Variants in MAF observed in about 807,000 individuals in gnomAD.
MAF encodes the protein MAF bZIP transcription factor, also known as transcription factor Maf.
MAF carries 10 observed loss-of-function variants against 22.0 expected under a neutral mutation model. The observed-to-expected ratio is 0.45, with a 90% CI of 0.28 to 0.77. MAF has a LOEUF of 0.77. MAF is among the 30% of genes least tolerant of loss of function. The pLI is 0.12. For missense variants in MAF, 544 were observed against 548.4 expected (o/e 0.99, Z 0.08); for synonymous variants, 337 against 255.8 (o/e 1.32, Z -3.03).
At chr16:79,275,148 G>T in the MAF span, among the ~76,000 whole-genome samples, 7 of 152,290 alleles carry the variant, frequency 4.6e-5, no homozygotes, top group African/African-American at 1.7e-4. Context: ...TTGAGATCAG[G>T]AGTCTGAGAC....
the MAF span, among the ~76,000 whole-genome samples, chr16:79,233,671 T>A: frequency 7.2e-5 from 11 of 152,054 alleles, no homozygotes; most frequent in South Asian, 2.3e-3. Flanking sequence ...TATTGACATT[T>A]GAAAAATGGT....
the MAF span, among the ~76,000 whole-genome samples, chr16:79,434,137 G>A: frequency 6.6e-6 from 1 of 152,192 alleles, no homozygotes; most frequent in Admixed American, 6.5e-5. Context: ...CCATGCAACT[G>A]CACACTGGGC....
At chr16:79,413,343 C>A in the MAF span, among the ~76,000 whole-genome samples, 2 of 144,248 alleles carry the variant, frequency 1.4e-5, no homozygotes, top group Non-Finnish European at 3.0e-5. Flanking sequence ...CCCGGGTTCA[C>A]GCCATTCTCC....
the MAF span, among the ~76,000 whole-genome samples, chr16:79,544,941 T>C: frequency 6.6e-6 from 1 of 152,130 alleles, no homozygotes; most frequent in Non-Finnish European, 1.5e-5. Context: ...GACTTTCATG[T>C]TTGGCCATTG....
chr16:79,294,996 T>C, the MAF span, among the ~76,000 whole-genome samples: 62 of 152,042 alleles, frequency 4.1e-4, no homozygotes, highest in East Asian at 6.8e-3. Flanking sequence ...AACAGTCTAC[T>C]TCCCCCTAGA....
the MAF span, among the ~76,000 whole-genome samples, chr16:79,418,501 T>A: frequency 2.0e-5 from 3 of 152,032 alleles, no homozygotes; most frequent in Non-Finnish European, 4.4e-5. Context: ...CGATGGTAAT[T>A]TGGAACAAAG....
At chr16:79,492,379 C>T in the MAF span, among the ~76,000 whole-genome samples, 4 of 152,114 alleles carry the variant, frequency 2.6e-5, no homozygotes, top group East Asian at 1.9e-4. Flanking sequence ...TGATGTGCAA[C>T]GTATCCGAAT....
chr16:79,571,641 G>C, the MAF span, among the ~76,000 whole-genome samples: 2 of 149,584 alleles, frequency 1.3e-5, no homozygotes, highest in East Asian at 4.0e-4. Context: ...GCATCCTGTA[G>C]GCCAAACGTA....
chr16:79,323,170 AAAAAAAAAAAAAAAAAG>A, the MAF span, among the ~76,000 whole-genome samples: 4 of 135,384 alleles, frequency 3.0e-5, no homozygotes, highest in African/African-American at 9.5e-5. Flanking sequence ...AAAAAAAAAA[AAAAAAAAAAAAAAAAAG>A]GCAAATGGGG....
At chr16:79,290,255 G>A in the MAF span, among the ~76,000 whole-genome samples, 1 of 152,132 alleles carries the variant, frequency 6.6e-6, no homozygotes, top group East Asian at 1.9e-4. Flanking sequence ...AGAACAGAGG[G>A]CAGAGGATGC....
the MAF span, among the ~76,000 whole-genome samples, chr16:79,326,919 A>C: frequency 6.6e-6 from 1 of 152,216 alleles, no homozygotes; most frequent in Non-Finnish European, 1.5e-5. Flanking sequence ...AGAAACGCAG[A>C]TGAAGGATTC....
At chr16:79,511,170 T>G in the MAF span, among the ~76,000 whole-genome samples, 2 of 152,242 alleles carry the variant, frequency 1.3e-5, no homozygotes, top group South Asian at 4.2e-4. Flanking sequence ...ATTGCCTTAT[T>G]TACCTTTTCT....
At chr16:79,327,653 T>A in the MAF span, among the ~76,000 whole-genome samples, 1 of 152,152 alleles carries the variant, frequency 6.6e-6, no homozygotes, top group African/African-American at 2.4e-5. Flanking sequence ...TCTCTCTCTA[T>A]CCAAATGATA....
chr16:79,232,585 T>C, the MAF span, among the ~76,000 whole-genome samples: 1 of 152,036 alleles, frequency 6.6e-6, no homozygotes, highest in East Asian at 1.9e-4. Context: ...CATTTCAGGC[T>C]TAAGCCCTTC....
chr16:79,554,376 A>G, the MAF span, among the ~76,000 whole-genome samples: 1 of 152,162 alleles, frequency 6.6e-6, no homozygotes, highest in African/African-American at 2.4e-5. Flanking sequence ...CCAGATCCTC[A>G]TTTATTAGAA....
At chr16:79,337,429 G>A in the MAF span, among the ~76,000 whole-genome samples, 1 of 152,124 alleles carries the variant, frequency 6.6e-6, no homozygotes, top group African/African-American at 2.4e-5. Context: ...AATTAGCCAG[G>A]TGTGGTGGCG....
At chr16:79,488,780 C>T in the MAF span, among the ~76,000 whole-genome samples, 1 of 152,120 alleles carries the variant, frequency 6.6e-6, no homozygotes, top group African/African-American at 2.4e-5. Context: ...GCTTTCTTAC[C>T]TCTCGTTCAT....
chr16:79,522,410 GC>G, the MAF span, among the ~76,000 whole-genome samples: 1 of 152,178 alleles, frequency 6.6e-6, no homozygotes, highest in South Asian at 2.1e-4. Context: ...CAACAGAGCT[GC>G]TAAAGGAGTT....
the MAF span, among the ~76,000 whole-genome samples, chr16:79,379,828 G>T: frequency 6.6e-6 from 1 of 152,160 alleles, no homozygotes; most frequent in Non-Finnish European, 1.5e-5. Context: ...CTGTGCTTGA[G>T]GAGGCTTTTG....
Sources: allele counts gnomAD v4.1 joint callset (sites outside exome capture counted in the v4.1 genomes callset), GRCh38; gene constraint gnomAD v4.1.1; transcripts MANE v1.5; gene names NCBI Gene and HGNC (gene_info 2026-07-23, HGNC 2026-07-21).